The following SEC31A variants were observed in gnomAD, a reference collection of about 807,000 sequenced individuals.
SEC31A encodes the protein SEC31 homolog A, COPII component.
Under a neutral mutation model 151.0 loss-of-function variants are expected in SEC31A, and 70 were observed. The ratio of observed to expected loss-of-function variants is 0.46; its 90% CI spans 0.38 to 0.57. The LOEUF (loss-of-function observed/expected upper bound fraction) is 0.57, where lower values mean the gene tolerates loss of function less well. Ranked by LOEUF, SEC31A falls within the 20% of genes least tolerant of loss-of-function variation. SEC31A has a pLI of 0.00. For missense variants in SEC31A, 1,330 were observed against 1,471.2 expected (o/e 0.90, Z 1.57); for synonymous variants, 475 against 505.9 (o/e 0.94, Z 0.82).
At chr4:82,894,091 T>C (rs1043782327), upstream of SEC31A, 6 of 152,148 alleles carry the variant, frequency 3.9e-5, no homozygotes, top group African/African-American at 1.4e-4. Context: ...CTCGGGGATT[T>C]TTCTGCTGAA....
chr4:82,824,938 T>C (rs1171880631), intron 24 of SEC31A, among the ~76,000 whole-genome samples: 1 of 152,232 alleles, frequency 6.6e-6, no homozygotes, highest in Non-Finnish European at 1.5e-5. Flanking sequence ...AGGTAACATA[T>C]GTTGGTCAAT....
At chr4:82,899,802 T>C (rs1228841369) in intron 2 of SEC31A, 1 of 152,684 alleles carries the variant, frequency 6.5e-6, no homozygotes, top group Non-Finnish European at 1.5e-5. Flanking sequence ...TTTGGAATTA[T>C]TTTTGTGTGC....
In SEC31A at chr4:82,858,542, C is replaced by CAA. The variant is rs201988682; in HGVS notation, c.1627-780_1627-779dup. Among the ~76,000 whole-genome samples, 210 of 62,924 alleles carry CAA rather than the reference C, an allele frequency of 3.3e-3. 23 individuals are homozygous for CAA. Among genetic ancestry groups the CAA allele is most frequent in the Non-Finnish European group, 4.2e-3 (107 of 25,374 alleles). 41.3% of individuals were successfully genotyped at this position (62,924 alleles called of 152,430 possible). A position where few individuals can be genotyped will look rare whatever the true frequency, so the allele number is the denominator to read the frequency against. ...CTGGCGACAGAGCGAGACTCTGTCT[C>CAA]AAAAAAAAAAAAAAAAAAAAAAAAA... is the stretch of plus-strand genomic sequence containing the variant. On this transcript the variant is annotated intron_variant, in intron 14 of 26. Transcript: ENST00000395310.
rs376260467 is a variant in SEC31A at position 82,857,774 on chromosome 4, T to C, written c.1627-10A>G. ...TTTCCTCTTTAATGTGCTAAAGAGA[T>C]GAAAAAAGCAACAATTTAGCCAGAA... On this transcript the variant is annotated splice_polypyrimidine_tract_variant and intron_variant, in intron 14 of 26. Coordinates refer to ENST00000395310, the MANE Select transcript of SEC31A (RefSeq NM_001077207.4). The C allele has an allele frequency of 3.2e-6, 5 of 1,538,670 alleles. No homozygotes were observed. The highest frequency in any genetic ancestry group is 2.3e-5 in the South Asian group (2 of 87,112).
At chr4:82,899,304 TA>T (rs1195204109) in intron 3 of SEC31A, among the ~76,000 whole-genome samples, 1 of 152,236 alleles carries the variant, frequency 6.6e-6, no homozygotes, top group Non-Finnish European at 1.5e-5. Context: ...GTGCATATAC[TA>T]AAACCCACTG....
At chr4:82,834,827 T>G (rs944202922) in intron 22 of SEC31A, among the ~76,000 whole-genome samples, 10 of 152,134 alleles carry the variant, frequency 6.6e-5, no homozygotes, top group Admixed American at 5.2e-4. Context: ...AAAAAAAACT[T>G]CTCCTACTCA....
intron 21 of SEC31A, 124 bp downstream of exon 21, chr4:82,844,262 C>A (rs1729562682): frequency 9.5e-7 from 1 of 1,047,420 alleles, no homozygotes; most frequent in Non-Finnish European, 1.4e-6. Context: ...AGCAGGGACT[C>A]AGGAATCCTA....
At chr4:82,848,390 C>T (rs996545607) in intron 20 of SEC31A, among the ~76,000 whole-genome samples, 2 of 150,704 alleles carry the variant, frequency 1.3e-5, no homozygotes, top group Non-Finnish European at 2.9e-5. Context: ...TAAACCTATA[C>T]TAATGATTAA....
At chr4:82,858,592 CAT>C (rs1356060649) in intron 14 of SEC31A, among the ~76,000 whole-genome samples, 1 of 139,970 alleles carries the variant, frequency 7.1e-6, no homozygotes, top group Non-Finnish European at 1.6e-5. Context: ...AATAAACTAA[CAT>C]GTACATATTC....
chr4:82,830,964 T>C, intron 22 of SEC31A: 1 of 1,219,498 alleles, frequency 8.2e-7, no homozygotes, highest in Non-Finnish European at 1.1e-6. Context: ...TGGTCTTGGA[T>C]AGACTGGTTT....
chr4:82,828,977 G>A, intron 23 of SEC31A, 23 bp downstream of exon 23: 1 of 1,603,012 alleles, frequency 6.2e-7, no homozygotes, highest in South Asian at 1.1e-5. Flanking sequence ...GTAGGCCATT[G>A]GATGGACATC....
At position 82,867,291 on chromosome 4, in the gene SEC31A, G is replaced by T. The variant is rs149492880; in HGVS notation, c.908C>A (p.Thr303Lys). Residue 303 changes from threonine to lysine, a missense_variant, in exon 9 of 27, where the codon ACA becomes AAA. Coordinates refer to ENST00000395310, the MANE Select transcript of SEC31A (RefSeq NM_001077207.4). ...GEVLYELPTN[T>K]QWCFDIQWCP... ...CCACTGAATATCGAAGCACCACTGT[G>T]TGTTGGTGGGAAGTTCATATAACAC... The T allele has an allele frequency of 1.6e-4, 262 of 1,614,128 alleles. No homozygotes were observed. The African/African-American group carries it at 2.7e-3, about 17-fold the overall frequency.
intron 11 of SEC31A, among the ~76,000 whole-genome samples, chr4:82,863,970 A>C (rs1313689491): frequency 6.6e-6 from 1 of 152,132 alleles, no homozygotes; most frequent in African/African-American, 2.4e-5. Flanking sequence ...AAATGCCTCC[A>C]ACCTCTCTCC....
At chr4:82,847,351 T>G (rs1292479043) in intron 20 of SEC31A, among the ~76,000 whole-genome samples, 1 of 152,234 alleles carries the variant, frequency 6.6e-6, no homozygotes, top group Non-Finnish European at 1.5e-5. Flanking sequence ...CATCTTAAGC[T>G]TTAATCAAGA....
intron 7 of SEC31A, 152 bp downstream of exon 7, chr4:82,871,792 T>C (rs1736734602): frequency 1.1e-6 from 1 of 897,998 alleles, no homozygotes; most frequent in African/African-American, 1.7e-5. Flanking sequence ...TGAGCCAAGA[T>C]CTTGCCACTG....
intron 14 of SEC31A, among the ~76,000 whole-genome samples, chr4:82,859,011 T>G (rs1330362045): frequency 2.0e-5 from 3 of 152,144 alleles, no homozygotes; most frequent in Non-Finnish European, 4.4e-5. Flanking sequence ...GGAAAATATA[T>G]TTTTAAATTA....
rs369612792 is a variant in SEC31A, at chr4:82,854,895, T to C, written c.2008+8A>G. Reference sequence around the variant, plus strand: ...TAAATGCAGTTAAATATAAAGCACATCTCTTACCACAAAGGGCTGAAAATT... The same window carrying C: ...TAAATGCAGTTAAATATAAAGCACACCTCTTACCACAAAGGGCTGAAAATT... On this transcript the variant is annotated splice_region_variant and intron_variant, in intron 17 of 26. Transcript: ENST00000395310. The C allele has an allele frequency of 6.8e-6, 11 of 1,610,436 alleles. No individual in the cohort carries two copies. Among genetic ancestry groups the C allele is most frequent in the African/African-American group, 2.7e-5 (2 of 74,712 alleles).
At chr4:82,833,438 C>G (rs943962793) in intron 22 of SEC31A, among the ~76,000 whole-genome samples, 4 of 151,598 alleles carry the variant, frequency 2.6e-5, no homozygotes, top group African/African-American at 9.7e-5. Flanking sequence ...AGGATAAATA[C>G]CTAATGTAGG....
chr4:82,880,337 C>T (rs1257021836), intron 3 of SEC31A, among the ~76,000 whole-genome samples: 1 of 152,150 alleles, frequency 6.6e-6, no homozygotes, highest in African/African-American at 2.4e-5. Flanking sequence ...TGCCTATAAT[C>T]TCAGCACTTT....
Sources: gnomAD v4.1 joint callset for allele counts (sites outside exome capture counted in the v4.1 genomes callset) on GRCh38, gnomAD v4.1.1 for gene constraint, MANE v1.5 for transcripts, NCBI Gene and HGNC (gene_info 2026-07-23, HGNC 2026-07-21) for gene names.